Variants in OR8B3 observed in about 807,000 individuals in gnomAD.
OR8B3 encodes the protein olfactory receptor family 8 subfamily B member 3, also known as olfactory receptor 8B3.
For synonymous variants in OR8B3, 102 were observed against 135.4 expected (o/e 0.75, Z 1.71); for missense variants, 278 against 377.6 (o/e 0.74, Z 2.19).
At chr11:124,397,907 C>T (rs1860917590) in intron 1 of OR8B3, among the ~76,000 whole-genome samples, 1 of 152,058 alleles carries the variant, frequency 6.6e-6, no homozygotes. Flanking sequence ...ATTGGTCTGG[C>T]TGGTCTCAAA....
upstream of OR8B3, among the ~76,000 whole-genome samples, chr11:124,401,923 T>A (rs7932602): frequency 4.0e-4 from 61 of 152,308 alleles, no homozygotes; most frequent in East Asian, 0.011. Flanking sequence ...TCCACAATGG[T>A]CTCTGTCCTT....
the OR8B3 span, among the ~76,000 whole-genome samples, chr11:124,406,918 A>G: frequency 6.6e-6 from 1 of 152,138 alleles, no homozygotes; most frequent in East Asian, 1.9e-4. Flanking sequence ...ACAATTTTAA[A>G]CACTATTTAC....
At position 124,396,986 on chromosome 11, in the gene OR8B3, G is replaced by A. The variant is rs146158924; in HGVS notation, c.366C>T (p.Arg122=). The A allele has an allele frequency of 2.7e-5, 43 of 1,613,630 alleles. No individual in the cohort carries two copies. The African/African-American group carries it at 5.1e-4, about 19-fold the overall frequency. ...GCAATGGATTACAGATGGCCACATA[G>A]CGATCATATGCCATTGAGGTCAACA... ...CYMLTSMAYD[R]YVAICNPLLY... Residue 122 remains arginine (R), a synonymous_variant, in exon 2 of 2, where the codon CGC becomes CGT. Coordinates refer to ENST00000641139, the MANE Select transcript of OR8B3 (RefSeq NM_001005467.2).
Position 124,396,260 on chromosome 11 carries a change from A to C in OR8B3, c.*150T>G, listed in dbSNP as rs1283368095. 7.5e-6 allele frequency: 6 copies of C among 805,168 alleles called. No individual in the cohort carries two copies. Among genetic ancestry groups the C allele is most frequent in the Non-Finnish European group, 7.5e-6 (4 of 531,386 alleles). The allele number at this position is 805,168 out of a possible 1,614,324, so 49.9% of individuals were successfully genotyped here. A position where few individuals can be genotyped will look rare whatever the true frequency, so the allele number is the denominator to read the frequency against. On this transcript the variant is annotated 3_prime_UTR_variant, in exon 2 of 2. Coordinates refer to ENST00000641139, the MANE Select transcript of OR8B3 (RefSeq NM_001005467.2). ...AGTGCCAGAGATGCAAAACCAAAAA[A>C]AGAGACAAGATGATTTCATAAGAGA...
In OR8B3 at chr11:124,396,780, C is replaced by G; in HGVS notation, c.572G>C (p.Ser191Thr). ...ILPLLQLSCT[S>T]TYVNEVVVLI... ...AACAACCACCTCGTTGACATAGGTG[C>G]TGGTGCAGGAAAGCTGGAGGAGGGG... The change falls in exon 2 of 2, where the codon AGC becomes ACC. Residue 191 changes from serine (S) to threonine (T), a missense_variant. By Grantham distance (58) the Ser-to-Thr change is moderately conservative (BLOSUM62 1). Transcript: ENST00000641139. 6 of 1,613,316 alleles carry G rather than the reference C, an allele frequency of 3.7e-6. No homozygotes were observed. The highest frequency in any genetic ancestry group is 5.1e-6 in the Non-Finnish European group (6 of 1,179,570).
the OR8B3 span, among the ~76,000 whole-genome samples, chr11:124,405,397 G>A: frequency 6.6e-6 from 1 of 152,138 alleles, no homozygotes; most frequent in African/African-American, 2.4e-5. Flanking sequence ...CTCCAACCAG[G>A]GCTGTCTCCA....
Position 124,396,128 on chromosome 11 carries a change from T to C in OR8B3, c.*282A>G. ...CATGAAATTTACCATATATGTCCAA[T>C]TAAGAACAGCCCAGGAGAGAGGAAG... On this transcript the variant is annotated 3_prime_UTR_variant, in exon 2 of 2. Transcript: ENST00000641139. The C allele has an allele frequency of 3.7e-6, 1 of 269,972 alleles. No individual in the cohort carries two copies. The highest frequency in any genetic ancestry group is 7.0e-5 in the East Asian group (1 of 14,338). 16.7% of individuals were successfully genotyped at this position (269,972 alleles called of 1,614,324 possible).
chr11:124,397,564 A>C (rs1860910963), intron 1 of OR8B3, among the ~76,000 whole-genome samples, 196 bp from the exon 2 acceptor site: 1 of 151,642 alleles, frequency 6.6e-6, no homozygotes, highest in African/African-American at 2.4e-5. Context: ...TGAATGTGAC[A>C]AACAATTGCT....
intron 1 of OR8B3, among the ~76,000 whole-genome samples, chr11:124,397,699 CT>C (rs753969066): frequency 2.7e-3 from 378 of 141,562 alleles, no homozygotes; most frequent in South Asian, 2.7e-3. Flanking sequence ...TTCCTAGTTT[CT>C]TTTTTTTTTT....
upstream of OR8B3, among the ~76,000 whole-genome samples, chr11:124,403,727 C>T (rs1861037143): frequency 6.6e-6 from 1 of 152,218 alleles, no homozygotes; most frequent in Admixed American, 6.5e-5. Context: ...CGGGCAAAGG[C>T]TGCAATCTCG....
Position 124,397,221 on chromosome 11 carries a change from C to G in OR8B3, c.131G>C (p.Gly44Ala), listed in dbSNP as rs1452103218. 7 of 1,608,878 alleles carry G rather than the reference C, an allele frequency of 4.4e-6. No individual in the cohort carries two copies. The highest frequency in any genetic ancestry group is 1.1e-5 in the South Asian group (1 of 90,816). Residue 44 changes from glycine (G) to alanine (A), a missense_variant, in exon 2 of 2, where the codon GGC (glycine) becomes GCC (alanine). Physicochemically the swap from Gly to Ala is moderately conservative, Grantham distance 60. Transcript: ENST00000641139. ...VYIVTMVGNLGLIILFGLNSH... is the reference protein window; with the variant it reads ...VYIVTMVGNLALIILFGLNSH... ...ATTTAGACCGAAAAGAATGATCAAG[C>G]CAAGGTTGCCTACCATGGTGACAAT...
At position 124,396,355 on chromosome 11, in the gene OR8B3, C is replaced by G; in HGVS notation, c.*55G>C. 7.0e-7 allele frequency: 1 copy of G among 1,428,284 alleles called. No individual in the cohort carries two copies. The highest frequency in any genetic ancestry group is 1.4e-5 in the South Asian group (1 of 70,878). 88.5% of individuals were successfully genotyped at this position (1,428,284 alleles called of 1,614,324 possible). On this transcript the variant is annotated 3_prime_UTR_variant, in exon 2 of 2. Coordinates refer to ENST00000641139, the MANE Select transcript of OR8B3 (RefSeq NM_001005467.2). Reference sequence around the variant, plus strand: ...GAAACAACAAAATCTCTTCATGGAACACACTAATAAAAATTTAAAGTTCTT... The same window carrying G: ...GAAACAACAAAATCTCTTCATGGAAGACACTAATAAAAATTTAAAGTTCTT...
chr11:124,400,908 AATAT>A (rs761637751), upstream of OR8B3, among the ~76,000 whole-genome samples: 1 of 151,992 alleles, frequency 6.6e-6, no homozygotes, highest in African/African-American at 2.4e-5. Flanking sequence ...ATATTCCAAA[AATAT>A]ATATATTCAT....
chr11:124,396,626 G>C lies in OR8B3; in HGVS notation c.726C>G (p.Ser242Arg). Residue 242 changes from serine (S) to arginine (R), a missense_variant, in exon 2 of 2, where the codon AGC (serine) becomes AGG (arginine). Transcript: ENST00000641139. ...ACAGAGACAGAGCAATGACATGAGA[G>C]CTACAAGTACTGAAGGCTTTTGATC... ...QGRSKAFSTC[S>R]SHVIALSLFF... The C allele has an allele frequency of 6.2e-7, 1 of 1,611,682 alleles. No homozygotes were observed.
rs766843307 is a variant in OR8B3, at chr11:124,397,108, G to A, written c.244C>T (p.Leu82=). 4 of 1,613,652 alleles carry A rather than the reference G, an allele frequency of 2.5e-6. No individual in the cohort carries two copies. The South Asian group carries it at 3.3e-5, about 13-fold the overall frequency. Residue 82 remains leucine (L), a synonymous_variant, in exon 2 of 2, where the codon CTA becomes TTA. Coordinates refer to ENST00000641139, the MANE Select transcript of OR8B3 (RefSeq NM_001005467.2). The part of the protein sequence containing the change: ...CYSSVFTPKM[L]MNFVSKKNII... The stretch of plus-strand genomic sequence containing the variant: ...TTCTTTTTTGATACAAAGTTCATTA[G>A]CATTTTGGGAGTGAAAACAGAGGAG...
the OR8B3 span, among the ~76,000 whole-genome samples, chr11:124,407,130 T>G: frequency 1.3e-5 from 2 of 152,274 alleles, no homozygotes; most frequent in East Asian, 3.9e-4. Context: ...TTTCAAAAAT[T>G]TCATCTTCTC....
rs367657327 is a variant in OR8B3, at chr11:124,397,003, A to G, written c.349T>C (p.Ser117Pro). Residue 117 changes from serine (S) to proline (P), a missense_variant, in exon 2 of 2, where the codon TCA (serine) becomes CCA (proline). Transcript: ENST00000641139. ...GCCACATAGCGATCATATGCCATTG[A>G]GGTCAACATGTAACATTCAGAGATG... Reference protein sequence around the residue: ...FVISECYMLTSMAYDRYVAIC... With the variant: ...FVISECYMLTPMAYDRYVAIC... The G allele has an allele frequency of 1.1e-5, 17 of 1,613,790 alleles. No homozygotes were observed. The African/African-American group carries it at 1.1e-4, about 10-fold the overall frequency.
upstream of OR8B3, among the ~76,000 whole-genome samples, chr11:124,402,542 T>G (rs555697481): frequency 1.1e-4 from 17 of 152,362 alleles, no homozygotes; most frequent in South Asian, 3.5e-3. Flanking sequence ...ATATTCAGAC[T>G]GCACGGTGCA....
the OR8B3 span, among the ~76,000 whole-genome samples, chr11:124,408,932 A>G: frequency 6.6e-6 from 1 of 152,206 alleles, no homozygotes; most frequent in Non-Finnish European, 1.5e-5. Context: ...GAGCTGCTGC[A>G]CAGTGCACAC....
Sources: gnomAD v4.1 joint callset for allele counts (sites outside exome capture counted in the v4.1 genomes callset) on GRCh38, gnomAD v4.1.1 for gene constraint, MANE v1.5 for transcripts, NCBI Gene and HGNC (gene_info 2026-07-23, HGNC 2026-07-21) for gene names.